The following ARHGEF3 variants were observed in gnomAD, a reference collection of about 807,000 sequenced individuals.
ARHGEF3 encodes Rho guanine nucleotide exchange factor 3, also known as 59.8 kDA protein.
Under a neutral mutation model 63.2 loss-of-function variants are expected in ARHGEF3, and 28 were observed. The ratio of observed to expected loss-of-function variants is 0.44; its 90% confidence interval spans 0.33 to 0.61. The LOEUF is 0.61. Ranked by LOEUF, ARHGEF3 falls within the 20% of genes least tolerant of loss-of-function variation. The pLI, the probability that ARHGEF3 is intolerant of heterozygous loss-of-function variation, is 0.03. For synonymous variants in ARHGEF3, 266 were observed against 254.2 expected (o/e 1.05, Z -0.44); for missense variants, 533 against 659.3 (o/e 0.81, Z 2.10).
intron 3 of ARHGEF3, among the ~76,000 whole-genome samples, chr3:56,906,975 A>ATTT (rs368006965): frequency 0.021 from 1,550 of 72,204 alleles, 40 homozygotes; most frequent in Middle Eastern, 0.076. Flanking sequence ...CTCACATTCT[A>ATTT]TTTTTTTTTT....
chr3:57,042,941 CCCT>C (rs1170440836), intron 1 of ARHGEF3, among the ~76,000 whole-genome samples: 1 of 151,488 alleles, frequency 6.6e-6, no homozygotes, highest in Non-Finnish European at 1.5e-5. Flanking sequence ...TCGTGATCTG[CCCT>C]CCTCAGCCTC....
At chr3:57,072,227 AAG>A (rs1289532308) in intron 1 of ARHGEF3, among the ~76,000 whole-genome samples, 1 of 152,206 alleles carries the variant, frequency 6.6e-6, no homozygotes, top group Admixed American at 6.5e-5. Flanking sequence ...TCAAAATGTT[AAG>A]AGTTACCATA....
At chr3:56,927,724 C>T (rs1457732340) in intron 3 of ARHGEF3, among the ~76,000 whole-genome samples, 3 of 151,996 alleles carry the variant, frequency 2.0e-5, no homozygotes, top group South Asian at 2.1e-4. Context: ...CAGGTGGTAC[C>T]GCATATGAGC....
chr3:56,944,591 T>TTTTA (rs1699376150), intron 3 of ARHGEF3, among the ~76,000 whole-genome samples: 1 of 146,652 alleles, frequency 6.8e-6, no homozygotes, highest in Non-Finnish European at 1.5e-5. Context: ...TTTTTTTTTT[T>TTTTA]TGTGAGACAA....
At chr3:57,022,322 G>A (rs1703293151) in intron 2 of ARHGEF3, among the ~76,000 whole-genome samples, 3 of 151,834 alleles carry the variant, frequency 2.0e-5, no homozygotes, top group African/African-American at 7.3e-5. Flanking sequence ...CAAAGGAAGA[G>A]AGGACCCATC....
intron 2 of ARHGEF3, among the ~76,000 whole-genome samples, chr3:56,997,412 T>C (rs1280633001): frequency 6.6e-6 from 1 of 152,088 alleles, no homozygotes; most frequent in African/African-American, 2.4e-5. Context: ...TGGAGGGCTC[T>C]TGGTTCTTGG....
At chr3:56,822,983 C>G (rs140305991) in intron 4 of ARHGEF3, among the ~76,000 whole-genome samples, 4 of 152,066 alleles carry the variant, frequency 2.6e-5, no homozygotes, top group Non-Finnish European at 5.9e-5. Flanking sequence ...AGAACCAAGG[C>G]ATTTTGGTAG....
intron 3 of ARHGEF3, among the ~76,000 whole-genome samples, chr3:56,897,541 C>A (rs180875097): frequency 1.3e-5 from 2 of 151,988 alleles, no homozygotes; most frequent in African/African-American, 2.4e-5. Flanking sequence ...CTGATGCTTT[C>A]ATTTCCAATC....
At chr3:56,929,975 A>G (rs920379636) in intron 3 of ARHGEF3, among the ~76,000 whole-genome samples, 2 of 151,794 alleles carry the variant, frequency 1.3e-5, no homozygotes, top group Non-Finnish European at 2.9e-5. Context: ...CTCACCGATG[A>G]CCCTCTCCCA....
At chr3:56,793,059 A>C (rs971515653) in intron 1 of ARHGEF3, among the ~76,000 whole-genome samples, 10 of 151,756 alleles carry the variant, frequency 6.6e-5, no homozygotes, top group Non-Finnish European at 1.5e-4. Context: ...GCGGCAGTGC[A>C]GTAGTGCGAT....
chr3:57,035,671 C>A (rs1188865022), intron 1 of ARHGEF3, among the ~76,000 whole-genome samples: 1 of 152,234 alleles, frequency 6.6e-6, no homozygotes, highest in Non-Finnish European at 1.5e-5. Flanking sequence ...TTCCAAGCAT[C>A]CCTGCAGGGA....
At chr3:57,017,028 TCTCTCACACACACACACA>T (rs1318274935) in intron 2 of ARHGEF3, among the ~76,000 whole-genome samples, 4 of 127,414 alleles carry the variant, frequency 3.1e-5, no homozygotes, top group Non-Finnish European at 6.7e-5. Flanking sequence ...TCTCTCTCTC[TCTCTCACACACACACACA>T]CACACACACA....
chr3:56,992,633 T>G (rs1371068715), intron 2 of ARHGEF3, among the ~76,000 whole-genome samples: 7 of 152,050 alleles, frequency 4.6e-5, no homozygotes, highest in African/African-American at 1.2e-4. Context: ...CTAAATTCAC[T>G]GGACTCCACC....
chr3:56,932,636 G>T (rs1010465779), intron 3 of ARHGEF3, among the ~76,000 whole-genome samples: 8 of 152,120 alleles, frequency 5.3e-5, no homozygotes, highest in Non-Finnish European at 1.2e-4. Context: ...GGTGACTTCT[G>T]TGGGATAGAT....
At position 56,729,107 on chromosome 3, in the gene ARHGEF3, C is replaced by A; in HGVS notation, c.*163G>T. On this transcript the variant is annotated 3_prime_UTR_variant, in exon 10 of 10. Coordinates refer to ENST00000296315, the MANE Select transcript of ARHGEF3 (RefSeq NM_019555.3). ...ATTCCAGCTTACACAGACAGATTGG[C>A]AGTTACAGTACTAGGGACAAAGGTA... The A allele has an allele frequency of 8.1e-6, 5 of 620,922 alleles. No homozygotes were observed. The South Asian group carries it at 1.0e-4, about 13-fold the overall frequency. The allele number at this position is 620,922 out of a possible 1,614,324, so 38.5% of individuals were successfully genotyped here. A position where few individuals can be genotyped will look rare whatever the true frequency, so the allele number is the denominator to read the frequency against.
At chr3:56,764,123 A>G (rs183988042) in intron 2 of ARHGEF3, among the ~76,000 whole-genome samples, 2 of 152,306 alleles carry the variant, frequency 1.3e-5, no homozygotes, top group East Asian at 3.9e-4. Context: ...AAGACCCAGT[A>G]CAACAAGAAA....
intron 2 of ARHGEF3, among the ~76,000 whole-genome samples, chr3:56,970,115 T>C (rs1416298648): frequency 6.6e-6 from 1 of 152,190 alleles, no homozygotes; most frequent in Non-Finnish European, 1.5e-5. Flanking sequence ...AATTCGATAG[T>C]GGTGATGGGT....
chr3:57,058,768 T>C (rs1705054465), intron 1 of ARHGEF3, among the ~76,000 whole-genome samples: 2 of 151,678 alleles, frequency 1.3e-5, no homozygotes, highest in Non-Finnish European at 2.9e-5. Flanking sequence ...ATAGACTGGA[T>C]TAAGAAAATG....
chr3:56,987,386 A>G (rs770735486), intron 2 of ARHGEF3, among the ~76,000 whole-genome samples: 1 of 152,188 alleles, frequency 6.6e-6, no homozygotes, highest in African/African-American at 2.4e-5. Flanking sequence ...TTGTCTCTCA[A>G]CTGTTACCAG....
Sources: allele counts gnomAD v4.1 joint callset (sites outside exome capture counted in the v4.1 genomes callset), GRCh38; gene constraint gnomAD v4.1.1; transcripts MANE v1.5; gene names NCBI Gene and HGNC (gene_info 2026-07-23, HGNC 2026-07-21).